Variants in SOX6 observed in about 807,000 individuals in gnomAD.
The protein encoded by SOX6 is SRY-box transcription factor 6.
A neutral mutation model predicts 97.8 loss-of-function variants in SOX6; 11 were observed. The ratio of observed to expected loss-of-function variants is 0.11; its 90% CI spans 0.07 to 0.19. SOX6 has a LOEUF of 0.19. Ranked by LOEUF, SOX6 falls within the 10% of genes least tolerant of loss-of-function variation. SOX6 has a pLI of 1.00. For synonymous variants in SOX6, 360 were observed against 371.4 expected (o/e 0.97, Z 0.35); for missense variants, 810 against 1,039.5 (o/e 0.78, Z 3.04).
intron 6 of SOX6, among the ~76,000 whole-genome samples, chr11:16,170,778 C>T (rs1375536321): frequency 6.6e-6 from 1 of 152,022 alleles, no homozygotes; most frequent in East Asian, 1.9e-4. Context: ...CTAAAATACC[C>T]TTTGTGCATT....
At chr11:16,215,005 CCCAAAGT>C (rs1852333780) in intron 4 of SOX6, among the ~76,000 whole-genome samples, 1 of 152,142 alleles carries the variant, frequency 6.6e-6, no homozygotes, top group Admixed American at 6.5e-5. Context: ...ACCTCGGCCT[CCCAAAGT>C]GCTGGGATTA....
intron 1 of SOX6, among the ~76,000 whole-genome samples, chr11:16,738,118 C>T (rs956473910): frequency 1.3e-5 from 2 of 152,092 alleles, no homozygotes; most frequent in African/African-American, 4.8e-5. Context: ...ATACTGAACT[C>T]ATTTCTGTAT....
At chr11:16,026,084 T>C (rs1855209741) in intron 12 of SOX6, among the ~76,000 whole-genome samples, 2 of 152,146 alleles carry the variant, frequency 1.3e-5, no homozygotes, top group Admixed American at 1.3e-4. Context: ...CTACTCTTAC[T>C]CTACCAACTA....
chr11:16,663,830 T>C (rs1256920509), intron 3 of SOX6, among the ~76,000 whole-genome samples: 2 of 152,250 alleles, frequency 1.3e-5, no homozygotes, highest in Non-Finnish European at 2.9e-5. Flanking sequence ...CCTTCTTTGA[T>C]CATTTTCGAC....
At chr11:16,233,597 A>T (rs1852923116) in intron 4 of SOX6, among the ~76,000 whole-genome samples, 1 of 152,058 alleles carries the variant, frequency 6.6e-6, no homozygotes, top group African/African-American at 2.4e-5. Flanking sequence ...CCAAACTTAA[A>T]CTCATGAGTA....
At chr11:16,035,736 C>CACTCT (rs1855501725) in intron 12 of SOX6, among the ~76,000 whole-genome samples, 1 of 152,150 alleles carries the variant, frequency 6.6e-6, no homozygotes, top group South Asian at 2.1e-4. Flanking sequence ...ATTTAACCTA[C>CACTCT]ACTCTGATTA....
intron 4 of SOX6, among the ~76,000 whole-genome samples, chr11:16,519,353 C>A (rs1222673907): frequency 1.3e-5 from 2 of 152,098 alleles, no homozygotes; most frequent in African/African-American, 4.8e-5. Context: ...TCTCTCCAAC[C>A]CTCTCCCTTT....
chr11:16,260,680 A>G (rs941016949), intron 3 of SOX6, among the ~76,000 whole-genome samples: 1 of 152,200 alleles, frequency 6.6e-6, no homozygotes, highest in African/African-American at 2.4e-5. Context: ...GACCATTATC[A>G]TCCGAAGACA....
intron 2 of SOX6, among the ~76,000 whole-genome samples, chr11:16,727,950 T>G (rs1432167936): frequency 6.6e-6 from 1 of 152,160 alleles, no homozygotes; most frequent in African/African-American, 2.4e-5. Context: ...TATGTATACA[T>G]AGACTTTGTG....
intron 15 of SOX6, among the ~76,000 whole-genome samples, chr11:15,983,062 A>G (rs10832540): frequency 0.32 from 49,346 of 151,932 alleles, 9,478 homozygotes; most frequent in Non-Finnish European, 0.43. Flanking sequence ...TTAGTATAGT[A>G]AATGAGGCAT....
intron 13 of SOX6, among the ~76,000 whole-genome samples, chr11:16,006,106 C>T (rs1238863235): frequency 1.3e-5 from 2 of 151,912 alleles, no homozygotes; most frequent in South Asian, 2.1e-4. Flanking sequence ...TTCTAGTATG[C>T]GTTTGAATGA....
At chr11:16,472,270 C>G (rs914417783) in intron 1 of SOX6, among the ~76,000 whole-genome samples, 1 of 151,888 alleles carries the variant, frequency 6.6e-6, no homozygotes, top group Non-Finnish European at 1.5e-5. Flanking sequence ...CTTACTAAAG[C>G]GAATGACTAA....
At chr11:16,171,502 A>T (rs1434636850) in intron 6 of SOX6, among the ~76,000 whole-genome samples, 1 of 151,986 alleles carries the variant, frequency 6.6e-6, no homozygotes, top group African/African-American at 2.4e-5. Context: ...TTACATTCAT[A>T]TTTTTGTATC....
intron 12 of SOX6, among the ~76,000 whole-genome samples, chr11:16,026,707 G>T (rs957610308): frequency 1.3e-5 from 2 of 152,078 alleles, no homozygotes; most frequent in Non-Finnish European, 2.9e-5. Flanking sequence ...AAGGTCAAAT[G>T]ATGTCACAAA....
rs374654581 is a variant in SOX6 at position 16,234,562 on chromosome 11, C to T, written c.535+20G>A. 9.8e-5 allele frequency: 135 copies of T among 1,378,610 alleles called. No homozygotes were observed. In the African/African-American group the frequency reaches 1.6e-3, roughly 17 times the overall value. The allele number at this position is 1,378,610 out of a possible 1,614,324, so 85.4% of individuals were successfully genotyped here. A position where few individuals can be genotyped will look rare whatever the true frequency, so the allele number is the denominator to read the frequency against. Reference sequence around the variant, plus strand: ...CATCACATCACTGCATTGACATGTTCGATATATTTTATGTTGTACCTTTAA... The same window carrying T: ...CATCACATCACTGCATTGACATGTTTGATATATTTTATGTTGTACCTTTAA... On this transcript the variant is annotated intron_variant, in intron 4 of 15. Coordinates refer to ENST00000683767, the MANE Select transcript of SOX6 (RefSeq NM_001367873.1).
chr11:16,124,460 GAGGTAGT>G (rs1190945625), intron 6 of SOX6, among the ~76,000 whole-genome samples: 1 of 152,064 alleles, frequency 6.6e-6, no homozygotes, highest in African/African-American at 2.4e-5. Flanking sequence ...CAGAAAGTTG[GAGGTAGT>G]AGGTAGAAGG....
chr11:16,485,959 AGGG>A (rs1860423923), intron 4 of SOX6, among the ~76,000 whole-genome samples: 7 of 2,202 alleles, frequency 3.2e-3, no homozygotes, highest in Non-Finnish European at 4.8e-3. Context: ...AGGGGAGGGG[AGGG>A]GAGGGGAGGG....
chr11:16,146,225 A>G (rs540662508), intron 6 of SOX6, among the ~76,000 whole-genome samples: 5 of 152,352 alleles, frequency 3.3e-5, no homozygotes, highest in Non-Finnish European at 5.9e-5. Flanking sequence ...GATCTTTGAC[A>G]AACCTGACAA....
chr11:16,444,686 T>C (rs1406689551), intron 1 of SOX6, among the ~76,000 whole-genome samples: 2 of 152,210 alleles, frequency 1.3e-5, no homozygotes, highest in Non-Finnish European at 1.5e-5. Context: ...GTTGTTATTA[T>C]AGAATCATTC....
Sources: gnomAD v4.1 joint callset for allele counts (sites outside exome capture counted in the v4.1 genomes callset) on GRCh38, gnomAD v4.1.1 for gene constraint, MANE v1.5 for transcripts, NCBI Gene and HGNC (gene_info 2026-07-23, HGNC 2026-07-21) for gene names.